The following HDAC9 variants were observed in gnomAD, a reference collection of about 807,000 sequenced individuals.
HDAC9 encodes the protein MEF-2 interacting transcription repressor (MITR) protein.
HDAC9 carries 41 observed loss-of-function variants against 139.4 expected under a neutral mutation model. The observed-to-expected ratio is 0.29, with a 90% CI of 0.23 to 0.38. The LOEUF (loss-of-function observed/expected upper bound fraction) is 0.38. Among genes scored for constraint, HDAC9 ranks in the 10% least tolerant of loss-of-function variants. The pLI is 1.00. For missense variants in HDAC9, 1,147 were observed against 1,297.0 expected (o/e 0.88, Z 1.78); for synonymous variants, 517 against 476.2 (o/e 1.09, Z -1.12).
chr7:18,647,299 T>C (rs1010918221), intron 9 of HDAC9, among the ~76,000 whole-genome samples: 1 of 152,182 alleles, frequency 6.6e-6, no homozygotes, highest in Non-Finnish European at 1.5e-5. Flanking sequence ...CATATATTTG[T>C]GGTTTACAAC....
chr7:18,141,546 C>T (rs1046888511), intron 1 of HDAC9, among the ~76,000 whole-genome samples: 1 of 152,024 alleles, frequency 6.6e-6, no homozygotes, highest in Non-Finnish European at 1.5e-5. Flanking sequence ...TTTCATGATG[C>T]CAGGGTACTT....
intron 1 of HDAC9, among the ~76,000 whole-genome samples, chr7:18,153,965 A>T (rs1275910963): frequency 6.6e-6 from 1 of 152,202 alleles, no homozygotes; most frequent in Non-Finnish European, 1.5e-5. Flanking sequence ...CAACAGGTAG[A>T]ACAGTGAGTA....
At chr7:18,807,797 G>A (rs147213139) in intron 17 of HDAC9, among the ~76,000 whole-genome samples, 7 of 152,208 alleles carry the variant, frequency 4.6e-5, no homozygotes, top group African/African-American at 1.7e-4. Context: ...TACTTGGTGT[G>A]ATTTCAGTCT....
intron 1 of HDAC9, among the ~76,000 whole-genome samples, chr7:18,347,426 A>G (rs1051551667): frequency 1.3e-5 from 2 of 152,200 alleles, no homozygotes; most frequent in African/African-American, 2.4e-5. Flanking sequence ...AGAAAGTTTT[A>G]ATACTAGAAC....
intron 6 of HDAC9, among the ~76,000 whole-genome samples, chr7:18,594,904 A>G (rs906114519): frequency 6.6e-5 from 10 of 152,070 alleles, no homozygotes; most frequent in African/African-American, 2.2e-4. Context: ...GGTCTATTGT[A>G]TTTGACTCAG....
chr7:18,917,567 A>G (rs1402828492), intron 22 of HDAC9, among the ~76,000 whole-genome samples: 11 of 146,912 alleles, frequency 7.5e-5, no homozygotes, highest in African/African-American at 2.4e-4. Context: ...TAAGTTAGAC[A>G]TAGATGAGAG....
intron 6 of HDAC9, among the ~76,000 whole-genome samples, chr7:18,600,935 T>C (rs546683645): frequency 1.3e-5 from 2 of 152,242 alleles, no homozygotes; most frequent in East Asian, 3.9e-4. Context: ...CCTGAGTAGC[T>C]TGGCAGCATA....
Position 18,935,982 on chromosome 7 carries a change from C to A in HDAC9, c.2937+40C>A, listed in dbSNP as rs535120311. On this transcript the variant is annotated intron_variant, in intron 23 of 25. Transcript: ENST00000686413. ...GTACAAAGGGGCAGGGGTAAAGAAT[C>A]AGGGATGTATGCATGCATATTTTTA... is the stretch of plus-strand genomic sequence containing the variant. The A allele has an allele frequency of 1.9e-6, 3 of 1,589,408 alleles. No individual in the cohort carries two copies. The African/African-American group carries it at 4.0e-5, about 21-fold the overall frequency.
intron 1 of HDAC9, among the ~76,000 whole-genome samples, chr7:18,407,453 GCAAA>G (rs1788119428): frequency 6.6e-6 from 1 of 152,010 alleles, no homozygotes; most frequent in South Asian, 2.1e-4. Flanking sequence ...ACACGTTTAG[GCAAA>G]CAAAGAGCCT....
chr7:18,914,170 A>G (rs112267888), intron 22 of HDAC9, among the ~76,000 whole-genome samples: 6 of 151,772 alleles, frequency 4.0e-5, no homozygotes, highest in African/African-American at 1.4e-4. Flanking sequence ...TCTATGCACC[A>G]GAAAGTGGGC....
intron 2 of HDAC9, among the ~76,000 whole-genome samples, chr7:18,243,044 A>G (rs901662760): frequency 3.7e-5 from 2 of 54,568 alleles, no homozygotes; most frequent in East Asian, 5.5e-4. Flanking sequence ...CAAAATATTA[A>G]CTGATTGAGA....
At chr7:18,237,978 T>C (rs1167292361) in intron 2 of HDAC9, among the ~76,000 whole-genome samples, 3 of 152,210 alleles carry the variant, frequency 2.0e-5, no homozygotes, top group African/African-American at 4.8e-5. Flanking sequence ...CCTTAATACA[T>C]TTGGTGCTAT....
Position 18,862,138 on chromosome 7 carries a change from T to A in HDAC9, c.2685-12340T>A, listed in dbSNP as rs529965880. Among the ~76,000 whole-genome samples the A allele has an allele frequency of 3.3e-5, 5 of 152,158 alleles. No homozygotes were observed. In the East Asian group the frequency reaches 9.6e-4, roughly 29 times the overall value. ...CTCTCCACTCTAGGGTCTAGCGTCA[T>A]CAAAGGAAAGACACACTTTAGAATC... On this transcript the variant is annotated intron_variant, in intron 21 of 25. Coordinates refer to ENST00000686413, the MANE Select transcript of HDAC9 (RefSeq NM_178425.4).
intron 1 of HDAC9, among the ~76,000 whole-genome samples, chr7:18,102,828 G>T (rs750908482): frequency 3.3e-5 from 5 of 152,178 alleles, no homozygotes; most frequent in Non-Finnish European, 7.3e-5. Flanking sequence ...GACGGGGTGT[G>T]CTGTCTCCTT....
intron 22 of HDAC9, among the ~76,000 whole-genome samples, chr7:18,927,113 T>C (rs2129301700): frequency 6.6e-6 from 1 of 152,330 alleles, no homozygotes; most frequent in Non-Finnish European, 1.5e-5. Context: ...ATATATATCT[T>C]TACCCGTTAT....
chr7:18,893,833 C>T (rs997670893), intron 22 of HDAC9, among the ~76,000 whole-genome samples: 22 of 152,102 alleles, frequency 1.4e-4, no homozygotes, highest in South Asian at 8.3e-4. Context: ...ATGATGTTTG[C>T]CTGAAGAGCT....
chr7:18,722,569 G>A (rs923789448), intron 12 of HDAC9, among the ~76,000 whole-genome samples: 1 of 152,148 alleles, frequency 6.6e-6, no homozygotes, highest in Non-Finnish European at 1.5e-5. Flanking sequence ...CAGTTCCAGA[G>A]ACAACAGAAA....
At chr7:18,854,363 T>C (rs1797519720) in intron 21 of HDAC9, among the ~76,000 whole-genome samples, 1 of 152,210 alleles carries the variant, frequency 6.6e-6, no homozygotes, top group Non-Finnish European at 1.5e-5. Context: ...AACTGAATTT[T>C]ATTTTTGCTG....
intron 1 of HDAC9, among the ~76,000 whole-genome samples, chr7:18,109,842 T>A (rs117947129): frequency 0.021 from 3,232 of 152,312 alleles, 61 homozygotes; most frequent in Non-Finnish European, 0.026. Flanking sequence ...TAAAATACTT[T>A]TTGTGATTCT....
Sources: gnomAD v4.1 joint callset for allele counts (sites outside exome capture counted in the v4.1 genomes callset) on GRCh38, gnomAD v4.1.1 for gene constraint, MANE v1.5 for transcripts, NCBI Gene and HGNC (gene_info 2026-07-23, HGNC 2026-07-21) for gene names.